The following TGM3 variants were observed in gnomAD, a reference collection of about 807,000 sequenced individuals.
TGM3 encodes protein-glutamine gamma-glutamyltransferase E.
In TGM3, 52 loss-of-function variants were observed where a neutral mutation model predicts 73.8. The ratio of observed to expected loss-of-function variants is 0.70; its 90% CI spans 0.56 to 0.89. The LOEUF (loss-of-function observed/expected upper bound fraction) is 0.89. Among genes scored for constraint, TGM3 ranks in the 40% least tolerant of loss-of-function variants. TGM3 has a pLI of 0.00. For synonymous variants in TGM3, 372 were observed against 354.9 expected, an observed-to-expected ratio of 1.05 and a Z score of -0.54; for missense variants, 928 against 909.9, an observed-to-expected ratio of 1.02 and a Z score of -0.26.
chr20:2,315,933 A>G (rs1228314317), intron 5 of TGM3, among the ~76,000 whole-genome samples: 1 of 152,042 alleles, frequency 6.6e-6, no homozygotes, highest in East Asian at 1.9e-4. Context: ...AGCATAATGA[A>G]CTCCTGTGTC....
intron 8 of TGM3, among the ~76,000 whole-genome samples, chr20:2,327,901 G>C (rs2084297371): frequency 6.6e-6 from 1 of 152,234 alleles, no homozygotes; most frequent in Non-Finnish European, 1.5e-5. Context: ...ATGCGGAATT[G>C]TGTAGTCTTA....
Position 2,310,994 on chromosome 20 carries a change from C to T in TGM3, c.422-17C>T. 1.2e-6 allele frequency: 2 copies of T among 1,607,162 alleles called. No individual in the cohort carries two copies. Among genetic ancestry groups the T allele is most frequent in the Non-Finnish European group, 1.7e-6 (2 of 1,173,712 alleles). On this transcript the variant is annotated splice_polypyrimidine_tract_variant and intron_variant, in intron 3 of 12. Coordinates refer to ENST00000381458, the MANE Select transcript of TGM3 (RefSeq NM_003245.4). ...CGAGGATTCTAGTCGCTGGTGTCTG[C>T]TTTTTGTATCAAATAGTGGATAGCG...
chr20:2,340,783 G>T lies in TGM3; in HGVS notation c.*202G>T. ...CTGGGTCCACCCTGTCCTATGACTT[G>T]ATCACTTTTGCACATTCCCTGGCCG... On this transcript the variant is annotated 3_prime_UTR_variant, in exon 13 of 13. Transcript: ENST00000381458. The T allele has an allele frequency of 1.4e-6, 1 of 728,242 alleles. No individual in the cohort carries two copies. The highest frequency in any genetic ancestry group is 1.5e-5 in the South Asian group (1 of 67,380). 45.1% of individuals were successfully genotyped at this position (728,242 alleles called of 1,614,324 possible).
intron 5 of TGM3, 48 bp from the exon 6 acceptor site, chr20:2,317,020 G>T: frequency 6.3e-7 from 1 of 1,599,026 alleles, no homozygotes; most frequent in Non-Finnish European, 8.6e-7. Context: ...AGTCTCCCTA[G>T]GAAAGGCATT....
chr20:2,340,382 G>T, intron 12 of TGM3, 52 bp from the exon 13 acceptor site: 1 of 1,607,766 alleles, frequency 6.2e-7, no homozygotes, highest in Middle Eastern at 1.7e-4. Flanking sequence ...GGCCCGTCCA[G>T]CCCAAGGTCC....
Position 2,311,076 on chromosome 20 carries a change from A to T in TGM3, c.487A>T (p.Ile163Phe), listed in dbSNP as rs6048066. Residue 163 changes from isoleucine (I) to phenylalanine (F), a missense_variant, in exon 4 of 13, where the codon ATC (isoleucine) becomes TTC (phenylalanine). Ile to Phe is a conservative substitution (Grantham distance 21, BLOSUM62 0). Transcript: ENST00000381458. Reference sequence around the variant, plus strand: ...GTATGTTCAGGAAGATGCCGGCATCATCTTTGTGGGAAGCACAAACCGAAT... The same window carrying T: ...GTATGTTCAGGAAGATGCCGGCATCTTCTTTGTGGGAAGCACAAACCGAAT... ...EEYVQEDAGI[I>F]FVGSTNRIGM... 11 of 1,614,058 alleles carry T rather than the reference A, an allele frequency of 6.8e-6. No individual in the cohort carries two copies. The South Asian group carries it at 9.9e-5, about 15-fold the overall frequency.
chr20:2,324,283 T>G (rs2084275821), intron 7 of TGM3, among the ~76,000 whole-genome samples: 1 of 152,244 alleles, frequency 6.6e-6, no homozygotes, highest in Non-Finnish European at 1.5e-5. Context: ...TGAGCATATT[T>G]TCCTTTATTT....
In TGM3 at chr20:2,340,743, T is replaced by G; in HGVS notation, c.*162T>G. 1.1e-6 allele frequency: 1 copy of G among 934,824 alleles called. No individual in the cohort carries two copies. Among genetic ancestry groups the G allele is most frequent in the Non-Finnish European group, 1.7e-6 (1 of 601,544 alleles). The allele number at this position is 934,824 out of a possible 1,614,324, so 57.9% of individuals were successfully genotyped here. A position where few individuals can be genotyped will look rare whatever the true frequency, so the allele number is the denominator to read the frequency against. ...GGCTCCAGCACATCCCCCTCTCCTC[T>G]CCCCCAGGTTGGGGCTGGGTCCACC... On this transcript the variant is annotated 3_prime_UTR_variant, in exon 13 of 13. Coordinates refer to ENST00000381458, the MANE Select transcript of TGM3 (RefSeq NM_003245.4).
rs1481678817 is a variant in TGM3 at position 2,339,845 on chromosome 20, C to T, written c.1801-9C>T. On this transcript the variant is annotated splice_polypyrimidine_tract_variant and intron_variant, in intron 11 of 12. Coordinates refer to ENST00000381458, the MANE Select transcript of TGM3 (RefSeq NM_003245.4). The stretch of plus-strand genomic sequence containing the variant: ...GGAGTCCTGACTCGGCAGCCCCTCT[C>T]CCCCATAGGTGCTGAACGAGGCTCG... The T allele has an allele frequency of 6.2e-7, 1 of 1,613,868 alleles. No homozygotes were observed. Among genetic ancestry groups the T allele is most frequent in the Non-Finnish European group, 8.5e-7 (1 of 1,179,986 alleles).
chr20:2,331,005 CAAAAAAA>C (rs59627856), intron 9 of TGM3, among the ~76,000 whole-genome samples: 1,319 of 65,508 alleles, frequency 0.02, 17 homozygotes, highest in African/African-American at 0.059. Context: ...GACCCTGTCA[CAAAAAAA>C]AAAAAAAAAA....
Position 2,317,088 on chromosome 20 carries a change from T to C in TGM3, c.690T>C (p.Asn230=). Residue 230 remains asparagine (N), a synonymous_variant, in exon 6 of 13, where the codon AAT becomes AAC. Transcript: ENST00000381458. ...LSAMINSNDD[N]GVLAGNWSGT... is the part of the protein sequence containing the mutation. ...CCCAGATCAATAGCAATGATGACAA[T>C]GGTGTGCTTGCTGGGAATTGGAGCG... The C allele has an allele frequency of 4.3e-6, 7 of 1,613,888 alleles. No individual in the cohort carries two copies. The highest frequency in any genetic ancestry group is 5.9e-6 in the Non-Finnish European group (7 of 1,180,018).
chr20:2,317,922 CAT>C (rs58550267), intron 7 of TGM3, among the ~76,000 whole-genome samples: 5,390 of 142,780 alleles, frequency 0.038, 139 homozygotes, highest in Middle Eastern at 0.069. Flanking sequence ...CTTCTCTTAG[CAT>C]ATATATATAT....
At chr20:2,307,823 C>T (rs17312424) in intron 1 of TGM3, among the ~76,000 whole-genome samples, 11,524 of 152,176 alleles carry the variant, frequency 0.076, 602 homozygotes, top group Non-Finnish European at 0.11. Flanking sequence ...TGATGGTCAT[C>T]GCATGATATT....
Position 2,296,128 on chromosome 20 carries a change from G to A in TGM3, c.7+58G>A, listed in dbSNP as rs1354778488. On this transcript the variant is annotated intron_variant, in intron 1 of 12. Transcript: ENST00000381458. ...TGCCAGAAGCCTGTGCTTCCCCTGGGCCAGCCTGCCAAGCCAGAGTGTCCG... is the reference window on the plus strand; with the variant it reads ...TGCCAGAAGCCTGTGCTTCCCCTGGACCAGCCTGCCAAGCCAGAGTGTCCG... 3.2e-6 allele frequency: 5 copies of A among 1,546,106 alleles called. No homozygotes were observed. The African/African-American group carries it at 5.5e-5, about 17-fold the overall frequency.
intron 1 of TGM3, among the ~76,000 whole-genome samples, chr20:2,305,102 C>T (rs545423310): frequency 6.6e-6 from 1 of 152,118 alleles, no homozygotes. Flanking sequence ...CTCCTCAGGC[C>T]CCATCCTTTG....
At chr20:2,305,485 C>T (rs1347582099) in intron 1 of TGM3, among the ~76,000 whole-genome samples, 1 of 152,246 alleles carries the variant, frequency 6.6e-6, no homozygotes, top group African/African-American at 2.4e-5. Context: ...CTCAGTTAAA[C>T]TACCTGGTCT....
intron 8 of TGM3, 154 bp downstream of exon 8, chr20:2,326,106 T>G: frequency 2.6e-6 from 2 of 778,090 alleles, no homozygotes; most frequent in Middle Eastern, 4.9e-4. Context: ...CCCCTGCTAA[T>G]TTTGCTTGGC....
intron 12 of TGM3, 36 bp downstream of exon 12, chr20:2,340,023 C>CGGGTGGGGGGG: frequency 8.3e-6 from 1 of 120,860 alleles, no homozygotes; most frequent in Non-Finnish European, 1.9e-5. Context: ...TGCAGGAGGG[C>CGGGTGGGGGGG]GGGAGGGGGC....
At chr20:2,300,025 T>G (rs982282916) in intron 1 of TGM3, among the ~76,000 whole-genome samples, 3 of 151,776 alleles carry the variant, frequency 2.0e-5, no homozygotes, top group Admixed American at 6.6e-5. Flanking sequence ...GAGAACTGCT[T>G]GAACCCAGGA....
Sources: gnomAD v4.1 joint callset for allele counts (sites outside exome capture counted in the v4.1 genomes callset) on GRCh38, gnomAD v4.1.1 for gene constraint, MANE v1.5 for transcripts, NCBI Gene and HGNC (gene_info 2026-07-23, HGNC 2026-07-21) for gene names.